PDE9A: variants seen among roughly 807,000 people sequenced by gnomAD.
PDE9A encodes high affinity cGMP-specific 3',5'-cyclic phosphodiesterase 9A.
Under a neutral mutation model 87.4 loss-of-function variants are expected in PDE9A, and 60 were observed. The observed-to-expected ratio is 0.69, with a 90% CI of 0.56 to 0.85. The LOEUF is 0.85. Ranked by LOEUF, PDE9A falls within the 40% of genes least tolerant of loss-of-function variation. The pLI is 0.00. For missense variants in PDE9A, 665 were observed against 779.0 expected (o/e 0.85, Z 1.74); for synonymous variants, 272 against 279.4 (o/e 0.97, Z 0.27).
chr21:42,688,020 G>A (rs764940845), intron 3 of PDE9A, 26 bp downstream of exon 3: 84 of 1,589,790 alleles, frequency 5.3e-5, no homozygotes, highest in South Asian at 3.6e-4. Context: ...CGCGCTCCTC[G>A]GGGTGTGCCT....
chr21:42,706,419 C>T (rs1474261523), intron 4 of PDE9A, among the ~76,000 whole-genome samples: 9 of 152,114 alleles, frequency 5.9e-5, no homozygotes, highest in Admixed American at 2.6e-4. Context: ...CTGAGGCGGG[C>T]AGATCACCTG....
Position 42,704,849 on chromosome 21 carries a change from T to G in PDE9A, c.262+5838T>G, listed in dbSNP as rs1311529967. Among the ~76,000 whole-genome samples the G allele has an allele frequency of 6.6e-6, 1 of 152,252 alleles. No homozygotes were observed. The highest frequency in any genetic ancestry group is 1.5e-5 in the Non-Finnish European group (1 of 68,040). On this transcript the variant is annotated intron_variant, in intron 4 of 19. Transcript: ENST00000291539. This position sits in a 1 kb window ranked among gnomAD's most constrained non-coding sequence, Gnocchi z 5.3. ...GGTTCCTCACTGATTCTCAGCAGGTTTCAGTAAATGCCTCTAACGGGCCCG... is the reference window on the plus strand; with the variant it reads ...GGTTCCTCACTGATTCTCAGCAGGTGTCAGTAAATGCCTCTAACGGGCCCG...
intron 1 of PDE9A, among the ~76,000 whole-genome samples, chr21:42,670,559 T>G (rs1334812837): frequency 2.0e-5 from 3 of 150,486 alleles, no homozygotes; most frequent in Non-Finnish European, 3.0e-5. Flanking sequence ...TACCCACACA[T>G]TCACACATAC....
intron 7 of PDE9A, among the ~76,000 whole-genome samples, chr21:42,738,251 A>G (rs1307134077): frequency 6.6e-6 from 1 of 152,260 alleles, no homozygotes; most frequent in African/African-American, 2.4e-5. Flanking sequence ...CAAACAGCCC[A>G]GAGCCTGGAT....
chr21:42,693,444 G>A (rs968108733), intron 3 of PDE9A, among the ~76,000 whole-genome samples: 46 of 147,666 alleles, frequency 3.1e-4, no homozygotes, highest in African/African-American at 4.8e-4. Context: ...GACTACAGGC[G>A]CCCGCCACCA....
At chr21:42,656,681 A>G (rs2057098062) in intron 1 of PDE9A, among the ~76,000 whole-genome samples, 1 of 152,198 alleles carries the variant, frequency 6.6e-6, no homozygotes, top group South Asian at 2.1e-4. Context: ...AGCAACAGGA[A>G]TTTGGGGGAT....
chr21:42,689,182 G>A (rs969404367), intron 3 of PDE9A, among the ~76,000 whole-genome samples: 8 of 151,580 alleles, frequency 5.3e-5, no homozygotes, highest in Admixed American at 1.3e-4. Context: ...GGCCAGTGCC[G>A]TCCCCCTCAG....
rs1055627825 is a variant in PDE9A at position 42,675,362 on chromosome 21, G to A, written c.70-10830G>A. Among the ~76,000 whole-genome samples the A allele has an allele frequency of 3.9e-5, 6 of 152,218 alleles. No individual in the cohort carries two copies. The highest frequency in any genetic ancestry group is 1.4e-4 in the African/African-American group (6 of 41,454). The stretch of plus-strand genomic sequence containing the variant: ...AGGAACACGCTCAGTGTGCATCTTT[G>A]CTTGCAGCAGGGCAGCGCAGGGCAT... On this transcript the variant is annotated intron_variant, in intron 1 of 19. Transcript: ENST00000291539. This position sits in a 1 kb window ranked among gnomAD's most constrained non-coding sequence, Gnocchi z 4.3.
At chr21:42,735,450 T>C (rs916283195) in intron 7 of PDE9A, among the ~76,000 whole-genome samples, 1 of 152,168 alleles carries the variant, frequency 6.6e-6, no homozygotes, top group Non-Finnish European at 1.5e-5. Context: ...ACTGACTCTT[T>C]CACAGCTCTG....
At chr21:42,670,445 T>C (rs2058451001) in intron 1 of PDE9A, among the ~76,000 whole-genome samples, 1 of 150,530 alleles carries the variant, frequency 6.6e-6, no homozygotes, top group Non-Finnish European at 1.5e-5. Context: ...CATACACTTA[T>C]ACACAGTCAC....
In PDE9A at chr21:42,675,117, G is replaced by T. The variant is rs1317040519; in HGVS notation, c.70-11075G>T. Among the ~76,000 whole-genome samples the T allele has an allele frequency of 6.6e-6, 1 of 152,214 alleles. No individual in the cohort carries two copies. The highest frequency in any genetic ancestry group is 1.5e-5 in the Non-Finnish European group (1 of 68,036). Reference sequence around the variant, plus strand: ...TGCGTTTAGGAGTGTGTAAGTGCGTGTAAGTGTGTGTCTGGCTTTCTTTCA... The same window carrying T: ...TGCGTTTAGGAGTGTGTAAGTGCGTTTAAGTGTGTGTCTGGCTTTCTTTCA... On this transcript the variant is annotated intron_variant, in intron 1 of 19. Transcript: ENST00000291539. This position sits in a 1 kb window ranked among gnomAD's most constrained non-coding sequence, Gnocchi z 4.3.
rs2048692016 is a variant in PDE9A at position 42,704,835 on chromosome 21, G to A, written c.262+5824G>A. 1.3e-5 allele frequency among the ~76,000 whole-genome samples: 2 copies of A among 152,260 alleles called. No homozygotes were observed. Among genetic ancestry groups the A allele is most frequent in the South Asian group, 4.1e-4 (2 of 4,832 alleles). On this transcript the variant is annotated intron_variant, in intron 4 of 19. Transcript: ENST00000291539. The surrounding 1 kb of genome is among the most constrained non-coding windows in gnomAD (Gnocchi z 5.3). Reference sequence around the variant, plus strand: ...TTCCCAAGGCCCTGGGTTCCTCACTGATTCTCAGCAGGTTTCAGTAAATGC... The same window carrying A: ...TTCCCAAGGCCCTGGGTTCCTCACTAATTCTCAGCAGGTTTCAGTAAATGC...
intron 1 of PDE9A, among the ~76,000 whole-genome samples, chr21:42,667,698 A>G (rs777602828): frequency 3.3e-5 from 5 of 152,270 alleles, no homozygotes; most frequent in African/African-American, 7.2e-5. Flanking sequence ...CTTTATTCCA[A>G]AAGCCTTGCT....
rs59934038 is a variant in PDE9A at position 42,690,062 on chromosome 21, A to G, written c.218+2068A>G. On this transcript the variant is annotated intron_variant, in intron 3 of 19. Coordinates refer to ENST00000291539, the MANE Select transcript of PDE9A (RefSeq NM_002606.3). ...GCGGATGAGGATACAGATGGAGAAGATGGAGGTAGACGCGGGTGAGGATAC... is the reference window on the plus strand; with the variant it reads ...GCGGATGAGGATACAGATGGAGAAGGTGGAGGTAGACGCGGGTGAGGATAC... The G allele has an allele frequency of 2.1e-4, 208 of 984,400 alleles. 1 individual carries two copies. The East Asian group carries it at 0.012, about 54-fold the overall frequency. The allele number at this position is 984,400 out of a possible 1,614,324, so 61.0% of individuals were successfully genotyped here.
intron 9 of PDE9A, among the ~76,000 whole-genome samples, chr21:42,753,046 G>A (rs543169974): frequency 4.0e-5 from 6 of 151,844 alleles, no homozygotes; most frequent in Middle Eastern, 3.4e-3. Context: ...TCACTCTGTC[G>A]CCCAGGCTGG....
chr21:42,715,882 A>AGGGCTGTACATTCC (rs1199787057), intron 4 of PDE9A, among the ~76,000 whole-genome samples: 1 of 140,528 alleles, frequency 7.1e-6, no homozygotes, highest in Middle Eastern at 3.8e-3. Context: ...GAATCGGTTC[A>AGGGCTGTACATTCC]CTGCCTTCAA....
intron 1 of PDE9A, among the ~76,000 whole-genome samples, chr21:42,663,303 A>C (rs564603311): frequency 3.0e-4 from 46 of 151,486 alleles, no homozygotes; most frequent in African/African-American, 8.7e-4. Flanking sequence ...ACACACATAC[A>C]TACACACCGC....
intron 7 of PDE9A, among the ~76,000 whole-genome samples, chr21:42,740,181 A>G (rs978182125): frequency 9.9e-5 from 15 of 152,148 alleles, no homozygotes; most frequent in African/African-American, 3.6e-4. Flanking sequence ...GCTCATGCCT[A>G]AAGTGGTTCC....
intron 4 of PDE9A, among the ~76,000 whole-genome samples, chr21:42,712,970 G>A (rs987437084): frequency 4.6e-5 from 7 of 152,180 alleles, no homozygotes; most frequent in African/African-American, 1.7e-4. Flanking sequence ...TGCTTTCCTA[G>A]GGTAAATGCA....
Sources: allele counts gnomAD v4.1 joint callset (sites outside exome capture counted in the v4.1 genomes callset), GRCh38; gene constraint gnomAD v4.1.1; non-coding constraint Gnocchi (gnomAD v3.1); transcripts MANE v1.5; gene names NCBI Gene and HGNC (gene_info 2026-07-23, HGNC 2026-07-21).